The following PPP1R1C variants were observed in gnomAD, a reference collection of about 807,000 sequenced individuals.
PPP1R1C encodes protein phosphatase 1 regulatory inhibitor subunit 1C.
Under a neutral mutation model 17.4 loss-of-function variants are expected in PPP1R1C, and 15 were observed. The ratio of observed to expected loss-of-function variants is 0.86; its 90% CI spans 0.58 to 1.33. The LOEUF (loss-of-function observed/expected upper bound fraction) is 1.33. Ranked by LOEUF, PPP1R1C falls within the 40% of genes most tolerant of loss-of-function variation. The pLI is 0.00. For missense variants in PPP1R1C, 143 were observed against 130.0 expected, an observed-to-expected ratio of 1.10 and a Z score of -0.48; for synonymous variants, 35 against 43.1, an observed-to-expected ratio of 0.81 and a Z score of 0.73.
chr2:181,987,978 A>C, intron 2 of PPP1R1C, 79 bp downstream of exon 2: 1 of 1,228,196 alleles, frequency 8.1e-7, no homozygotes, highest in Non-Finnish European at 1.2e-6. Flanking sequence ...TGTCGTACTG[A>C]AAAGTTTCAA....
At chr2:182,074,181 A>G (rs546103104) in intron 4 of PPP1R1C, among the ~76,000 whole-genome samples, 60 of 151,754 alleles carry the variant, frequency 4.0e-4, no homozygotes, top group African/African-American at 1.4e-3. Context: ...AGCTGGGACT[A>G]CAGGCGCCCG....
exon 6 of PPP1R1C, chr2:182,129,627 G>A (rs1427446273): frequency 6.6e-6 from 1 of 152,048 alleles, no homozygotes; most frequent in Non-Finnish European, 1.5e-5. Flanking sequence ...AATTATGTAT[G>A]ACAGGTAGGA....
intron 4 of PPP1R1C, among the ~76,000 whole-genome samples, chr2:182,081,839 T>A (rs1688488424): frequency 6.6e-6 from 1 of 152,216 alleles, no homozygotes; most frequent in Admixed American, 6.5e-5. Flanking sequence ...TCACTATGGA[T>A]ATAGATTTGT....
intron 2 of PPP1R1C, among the ~76,000 whole-genome samples, chr2:182,006,776 A>T (rs1303959681): frequency 6.6e-6 from 1 of 152,220 alleles, no homozygotes; most frequent in Non-Finnish European, 1.5e-5. Flanking sequence ...GTTATTACAA[A>T]ACAGCAAGAA....
At chr2:182,083,341 C>T (rs1345390150) in intron 4 of PPP1R1C, among the ~76,000 whole-genome samples, 1 of 152,112 alleles carries the variant, frequency 6.6e-6, no homozygotes. Context: ...AATTGTGATG[C>T]TGCCATCATA....
intron 2 of PPP1R1C, among the ~76,000 whole-genome samples, chr2:181,980,461 A>G (rs1037183864): frequency 6.6e-6 from 1 of 152,116 alleles, no homozygotes; most frequent in African/African-American, 2.4e-5. Flanking sequence ...AATTTCTAAG[A>G]CTGTCCACAC....
At chr2:182,002,934 C>CG (rs1320752002) in intron 2 of PPP1R1C, among the ~76,000 whole-genome samples, 5 of 138,432 alleles carry the variant, frequency 3.6e-5, no homozygotes, top group Admixed American at 7.1e-5. Flanking sequence ...TAAACCTCCC[C>CG]CCCCCCACAA....
chr2:182,065,997 A>T (rs575305069), intron 4 of PPP1R1C, among the ~76,000 whole-genome samples: 184 of 152,230 alleles, frequency 1.2e-3, no homozygotes, highest in African/African-American at 4.4e-3. Context: ...TTCAAAATGA[A>T]TCTAATGGTT....
At chr2:182,064,437 G>T (rs998413551) in intron 4 of PPP1R1C, among the ~76,000 whole-genome samples, 24 of 152,182 alleles carry the variant, frequency 1.6e-4, no homozygotes, top group African/African-American at 5.8e-4. Context: ...AGTCTGTCCA[G>T]TCTACTCTCT....
At chr2:181,989,504 G>T (rs1685398813) in intron 2 of PPP1R1C, among the ~76,000 whole-genome samples, 1 of 152,128 alleles carries the variant, frequency 6.6e-6, no homozygotes, top group Non-Finnish European at 1.5e-5. Context: ...GCACTACATG[G>T]TGAAGGCTTT....
intron 2 of PPP1R1C, among the ~76,000 whole-genome samples, chr2:182,020,795 A>G (rs1386927910): frequency 6.6e-6 from 1 of 151,946 alleles, no homozygotes; most frequent in Non-Finnish European, 1.5e-5. Context: ...ATGGTATTTC[A>G]TTTCTTTCTG....
Position 181,993,050 on chromosome 2 carries a change from A to G in PPP1R1C, c.142+5151A>G, listed in dbSNP as rs186846195. ...CGTTTCAGGATTCTGAAACTAAGTT[A>G]AAAAAACAGATTTTGAAGCCTCTAG... is the stretch of plus-strand genomic sequence containing the variant. On this transcript the variant is annotated intron_variant, in intron 2 of 4. Transcript: ENST00000682840. 4.8e-4 allele frequency among the ~76,000 whole-genome samples: 73 copies of G among 152,216 alleles called. No homozygotes were observed. In the East Asian group the frequency reaches 0.014, roughly 28 times the overall value.
At chr2:182,080,230 C>T (rs974393380) in intron 4 of PPP1R1C, among the ~76,000 whole-genome samples, 1 of 152,224 alleles carries the variant, frequency 6.6e-6, no homozygotes, top group African/African-American at 2.4e-5. Flanking sequence ...ATCTTCTCGA[C>T]AGCACATCCC....
chr2:182,064,608 C>A (rs1460446492), intron 4 of PPP1R1C, among the ~76,000 whole-genome samples: 2 of 151,982 alleles, frequency 1.3e-5, no homozygotes, highest in Non-Finnish European at 1.5e-5. Context: ...TCTGTATTTG[C>A]TCTAGATTTG....
intron 2 of PPP1R1C, among the ~76,000 whole-genome samples, chr2:182,014,633 C>G (rs897606598): frequency 5.3e-5 from 8 of 151,852 alleles, no homozygotes; most frequent in African/African-American, 1.9e-4. Flanking sequence ...TTCACAGCGG[C>G]AAACCCTACT....
intron 4 of PPP1R1C, among the ~76,000 whole-genome samples, chr2:182,070,185 A>G (rs956484954): frequency 2.0e-5 from 3 of 152,224 alleles, no homozygotes; most frequent in Non-Finnish European, 4.4e-5. Flanking sequence ...TCATATTTAC[A>G]TATAAGTCTG....
intron 1 of PPP1R1C, among the ~76,000 whole-genome samples, chr2:181,958,676 G>A (rs772536731): frequency 5.3e-5 from 8 of 152,266 alleles, no homozygotes; most frequent in Admixed American, 3.9e-4. Context: ...AAGGTAATCA[G>A]TACTCTGATT....
intron 4 of PPP1R1C, among the ~76,000 whole-genome samples, chr2:182,065,158 A>C (rs1687951491): frequency 6.6e-6 from 1 of 152,100 alleles, no homozygotes; most frequent in South Asian, 2.1e-4. Flanking sequence ...AGTCTCCCCG[A>C]GATACTCATT....
chr2:182,092,699 C>T (rs917383651), intron 4 of PPP1R1C, among the ~76,000 whole-genome samples: 1 of 152,162 alleles, frequency 6.6e-6, no homozygotes, highest in South Asian at 2.1e-4. Context: ...GCTACAGGCC[C>T]AATGCAAGTC....
Sources: gnomAD v4.1 joint callset for allele counts (sites outside exome capture counted in the v4.1 genomes callset) on GRCh38, gnomAD v4.1.1 for gene constraint, MANE v1.5 for transcripts, NCBI Gene and HGNC (gene_info 2026-07-23, HGNC 2026-07-21) for gene names.